The following SRPK2 variants were observed in gnomAD, a reference collection of about 807,000 sequenced individuals.
The protein encoded by SRPK2 is SFRS protein kinase 2.
A neutral mutation model predicts 90.8 loss-of-function variants in SRPK2; 21 were observed. That is an observed-to-expected ratio of 0.23 (90% CI 0.16 to 0.33). SRPK2 has a LOEUF of 0.33. Ranked by LOEUF, SRPK2 falls within the 10% of genes least tolerant of loss-of-function variation. The pLI is 1.00. For synonymous variants in SRPK2, 288 were observed against 311.1 expected, an observed-to-expected ratio of 0.93 and a Z score of 0.78; for missense variants, 620 against 869.0, an observed-to-expected ratio of 0.71 and a Z score of 3.60.
At chr7:105,159,464 A>AACAAAAAAAAAAAAAAAAAAAACAC (rs1807164043) in intron 7 of SRPK2, among the ~76,000 whole-genome samples, 1 of 141,598 alleles carries the variant, frequency 7.1e-6, no homozygotes, top group African/African-American at 2.9e-5. Flanking sequence ...AAAAAAAAAA[A>AACAAAAAAAAAAAAAAAAAAAACAC]AAAAAAAAAC....
At chr7:105,295,311 T>C (rs116804645) in intron 2 of SRPK2, among the ~76,000 whole-genome samples, 2,393 of 151,822 alleles carry the variant, frequency 0.016, 64 homozygotes, top group African/African-American at 0.053. Context: ...ATGTTTGTTT[T>C]ATGTTACAAA....
chr7:105,311,201 A>T (rs1811672381), intron 2 of SRPK2, among the ~76,000 whole-genome samples: 1 of 149,148 alleles, frequency 6.7e-6, no homozygotes, highest in African/African-American at 2.4e-5. Flanking sequence ...ACAAAAAAAT[A>T]AATAACCCAA....
intron 3 of SRPK2, among the ~76,000 whole-genome samples, chr7:105,191,863 T>C (rs1238665618): frequency 1.4e-5 from 2 of 147,610 alleles, no homozygotes; most frequent in South Asian, 4.2e-4. Context: ...TATCCTTTTG[T>C]AAAAAAAAAC....
rs59602427 is a variant in SRPK2 at position 105,333,232 on chromosome 7, C to T, written c.71+55416G>A. 5.1e-3 allele frequency among the ~76,000 whole-genome samples: 782 copies of T among 151,972 alleles called. 11 individuals are homozygous for T. In the East Asian group the frequency reaches 0.055, roughly 11 times the overall value. ...TAAATAAATAGAAACAACCAAAAAG[C>T]CTAAAACTATGGATGTAAATTGTGA... On this transcript the variant is annotated intron_variant, in intron 2 of 15. Transcript: ENST00000393651.
intron 2 of SRPK2, among the ~76,000 whole-genome samples, chr7:105,279,661 T>A (rs945198634): frequency 5.9e-5 from 9 of 152,256 alleles, no homozygotes; most frequent in Non-Finnish European, 1.3e-4. Flanking sequence ...AACAATGTAT[T>A]AAATAAATTT....
At chr7:105,389,187 C>T, upstream of SRPK2, 3 of 1,106,168 alleles carry the variant, frequency 2.7e-6, no homozygotes, top group South Asian at 6.2e-5. Context: ...GCCCGCCTCT[C>T]CCGGGCACCG....
intron 2 of SRPK2, among the ~76,000 whole-genome samples, chr7:105,364,669 T>C (rs1321916270): frequency 6.6e-6 from 1 of 152,088 alleles, no homozygotes; most frequent in Non-Finnish European, 1.5e-5. Context: ...CCCAAAGTGC[T>C]GGGGTTACAG....
chr7:105,142,131 C>T lies in SRPK2; in HGVS notation c.1420G>A (p.Glu474Lys). The change falls in exon 11 of 16, where the codon GAA becomes AAA. Residue 474 changes from glutamate (E) to lysine (K), a missense_variant. By Grantham distance (56) the Glu-to-Lys change is moderately conservative (BLOSUM62 1). Transcript: ENST00000393651. ...AGCACAGAGCCGCAGGCCACAGGTTCTAAGGATCCAGAGAACAACGAGGTG... is the reference window on the plus strand; with the variant it reads ...AGCACAGAGCCGCAGGCCACAGGTTTTAAGGATCCAGAGAACAACGAGGTG... ...FSTSLFSGSLEPVACGSVLSE... is the reference protein window; with the variant it reads ...FSTSLFSGSLKPVACGSVLSE... 1 of 1,614,172 alleles carries T rather than the reference C, an allele frequency of 6.2e-7. No homozygotes were observed. Among genetic ancestry groups the T allele is most frequent in the Non-Finnish European group, 8.5e-7 (1 of 1,180,024 alleles).
intron 6 of SRPK2, among the ~76,000 whole-genome samples, chr7:105,161,461 G>A (rs1453469948): frequency 1.3e-5 from 2 of 152,164 alleles, no homozygotes; most frequent in African/African-American, 4.8e-5. Flanking sequence ...AACAACCTTA[G>A]GCAATAATGT....
At chr7:105,375,927 A>G (rs1486259529) in intron 2 of SRPK2, among the ~76,000 whole-genome samples, 1 of 149,428 alleles carries the variant, frequency 6.7e-6, no homozygotes, top group Non-Finnish European at 1.5e-5. Flanking sequence ...CTAAAGCAGG[A>G]TCACTTGAGC....
At chr7:105,373,281 TA>T (rs1819904388) in intron 2 of SRPK2, among the ~76,000 whole-genome samples, 1 of 151,728 alleles carries the variant, frequency 6.6e-6, no homozygotes, top group African/African-American at 2.4e-5. Flanking sequence ...CCATCAACGA[TA>T]AACAAACGTA....
At chr7:105,150,033 C>T (rs139557806) in intron 7 of SRPK2, among the ~76,000 whole-genome samples, 3 of 151,228 alleles carry the variant, frequency 2.0e-5, no homozygotes, top group East Asian at 1.9e-4. Context: ...ATGAGTATGA[C>T]GGGTGGGGTA....
At chr7:105,281,253 C>T (rs1001917648) in intron 2 of SRPK2, among the ~76,000 whole-genome samples, 4 of 151,716 alleles carry the variant, frequency 2.6e-5, no homozygotes, top group African/African-American at 4.8e-5. Context: ...CTGACCATCA[C>T]GCCCAGCTAA....
upstream of SRPK2, among the ~76,000 whole-genome samples, chr7:105,391,316 C>T (rs1406568170): frequency 6.6e-6 from 1 of 152,104 alleles, no homozygotes; most frequent in Non-Finnish European, 1.5e-5. Context: ...AGTGATTCTC[C>T]TGCCTCAACC....
chr7:105,129,770 T>C (rs946783084), intron 13 of SRPK2, among the ~76,000 whole-genome samples: 33 of 152,206 alleles, frequency 2.2e-4, no homozygotes, highest in African/African-American at 7.5e-4. Flanking sequence ...CTGGACCTAC[T>C]TGTTTCCAGA....
At chr7:105,126,564 G>T (rs1424969555) in intron 14 of SRPK2, among the ~76,000 whole-genome samples, 1 of 152,160 alleles carries the variant, frequency 6.6e-6, no homozygotes, top group Non-Finnish European at 1.5e-5. Flanking sequence ...CCCCAGCATC[G>T]CAAGCAAATA....
chr7:105,244,673 G>A (rs1801337720), intron 2 of SRPK2: 3 of 1,083,746 alleles, frequency 2.8e-6, no homozygotes, highest in Non-Finnish European at 4.1e-6. Context: ...CTACCCTATG[G>A]CCGTGGGCCT....
chr7:105,232,065 A>G (rs1003569617), intron 2 of SRPK2, among the ~76,000 whole-genome samples: 5 of 152,134 alleles, frequency 3.3e-5, no homozygotes, highest in Non-Finnish European at 4.4e-5. Context: ...TGTTGCCTAG[A>G]CTGGTCTCGA....
intron 2 of SRPK2, among the ~76,000 whole-genome samples, chr7:105,254,064 ACTG>A (rs1802875999): frequency 6.6e-6 from 1 of 152,248 alleles, no homozygotes; most frequent in African/African-American, 2.4e-5. Context: ...ATGTCACTTA[ACTG>A]CTAACATCAA....
Sources: allele counts gnomAD v4.1 joint callset (sites outside exome capture counted in the v4.1 genomes callset), GRCh38; gene constraint gnomAD v4.1.1; transcripts MANE v1.5; gene names NCBI Gene and HGNC (gene_info 2026-07-23, HGNC 2026-07-21).